Variants in GARNL3 observed in about 807,000 individuals in gnomAD.
GARNL3 encodes the protein GTPase activating Rap/RanGAP domain like 3, also known as GTPase-activating Rap/Ran-GAP domain-like protein 3.
Under a neutral mutation model 125.0 loss-of-function variants are expected in GARNL3, and 63 were observed. That is an observed-to-expected ratio of 0.50 (90% CI 0.41 to 0.62). The LOEUF is 0.62. Ranked by LOEUF, GARNL3 falls within the 20% of genes least tolerant of loss-of-function variation. The pLI, the probability that GARNL3 is intolerant of heterozygous loss-of-function variation, is 0.00. For synonymous variants in GARNL3, 439 were observed against 457.5 expected (o/e 0.96, Z 0.52); for missense variants, 994 against 1,244.0 (o/e 0.80, Z 3.02).
chr9:127,225,081 C>T (rs2062879020), intron 1 of GARNL3, among the ~76,000 whole-genome samples: 2 of 137,332 alleles, frequency 1.5e-5, no homozygotes. Context: ...GGGGCTTGGG[C>T]CCAGCGGAGG....
chr9:127,296,368 C>T (rs2064590155), intron 2 of GARNL3, among the ~76,000 whole-genome samples: 1 of 151,756 alleles, frequency 6.6e-6, no homozygotes, highest in African/African-American at 2.4e-5. Flanking sequence ...CCAGTTGTAT[C>T]CATATTTTCA....
intron 9 of GARNL3, among the ~76,000 whole-genome samples, chr9:127,334,595 C>T (rs758687687): frequency 6.6e-6 from 1 of 152,190 alleles, no homozygotes. Flanking sequence ...CAACCCTCAG[C>T]GTCTCCAATA....
intron 13 of GARNL3, among the ~76,000 whole-genome samples, chr9:127,341,764 T>C (rs1829871334): frequency 6.6e-6 from 1 of 152,146 alleles, no homozygotes; most frequent in African/African-American, 2.4e-5. Flanking sequence ...TGTCAAAGAC[T>C]TGAGGTGAAA....
At chr9:127,360,547 G>A (rs758770827) in intron 21 of GARNL3, among the ~76,000 whole-genome samples, 7 of 152,150 alleles carry the variant, frequency 4.6e-5, no homozygotes, top group South Asian at 2.1e-4. Flanking sequence ...AAAAGATAAT[G>A]AGCTGTATGT....
chr9:127,258,742 G>T (rs1307009481), upstream of GARNL3, among the ~76,000 whole-genome samples: 2 of 152,206 alleles, frequency 1.3e-5, no homozygotes, highest in Non-Finnish European at 2.9e-5. Flanking sequence ...TGTGCAAGAA[G>T]CTATTCTAGC....
At chr9:127,256,055 C>T (rs2063490393) in intron 2 of GARNL3, among the ~76,000 whole-genome samples, 1 of 152,160 alleles carries the variant, frequency 6.6e-6, no homozygotes, top group Non-Finnish European at 1.5e-5. Context: ...GGGAGGTATG[C>T]CACAACATAT....
chr9:127,246,215 G>A (rs898144405), intron 2 of GARNL3, among the ~76,000 whole-genome samples: 7 of 152,190 alleles, frequency 4.6e-5, no homozygotes, highest in Non-Finnish European at 8.8e-5. Flanking sequence ...GATAATTGGC[G>A]TCAGTAGGCA....
chr9:127,366,547 C>G (rs1831296958), intron 22 of GARNL3, among the ~76,000 whole-genome samples: 1 of 152,212 alleles, frequency 6.6e-6, no homozygotes, highest in Admixed American at 6.5e-5. Context: ...ATAAAGTATG[C>G]TCTTTTTTCT....
chr9:127,351,395 C>T (rs1830417288), intron 17 of GARNL3, among the ~76,000 whole-genome samples: 3 of 152,032 alleles, frequency 2.0e-5, no homozygotes, highest in Non-Finnish European at 4.4e-5. Flanking sequence ...GCTGTTTACA[C>T]CCACCATTGC....
chr9:127,281,871 T>C (rs1203245510), intron 1 of GARNL3, among the ~76,000 whole-genome samples: 1 of 152,272 alleles, frequency 6.6e-6, no homozygotes, highest in Non-Finnish European at 1.5e-5. Flanking sequence ...GTAATTTGCA[T>C]GTGCAGGGTC....
intron 21 of GARNL3, among the ~76,000 whole-genome samples, chr9:127,359,995 T>A (rs1830898056): frequency 7.2e-6 from 1 of 139,634 alleles, no homozygotes; most frequent in African/African-American, 2.7e-5. Context: ...ATATACAAAG[T>A]TTTTTCCTAA....
Position 127,311,680 on chromosome 9 carries a change from C to T in GARNL3, c.264C>T (p.His88=). The T allele has an allele frequency of 6.2e-7, 1 of 1,613,968 alleles. No individual in the cohort carries two copies. Among genetic ancestry groups the T allele is most frequent in the African/African-American group, 1.3e-5 (1 of 75,008 alleles). ...GTACTTGGCGAAGAACAGACGTGCA[C>T]TTAGAGAACCCAGAATACCACACCA... is the stretch of plus-strand genomic sequence containing the variant. ...LPGTWRRTDV[H]LENPEYHTRW... The change falls in exon 3 of 28, where the codon CAC becomes CAT. Residue 88 remains histidine (H), a synonymous_variant. Transcript: ENST00000373387.
chr9:127,309,921 G>A (rs2065049781), intron 2 of GARNL3, among the ~76,000 whole-genome samples: 1 of 152,190 alleles, frequency 6.6e-6, no homozygotes, highest in Non-Finnish European at 1.5e-5. Flanking sequence ...TACGTGGCAC[G>A]ATGGAGATAT....
chr9:127,349,475 T>C (rs1056528433), intron 17 of GARNL3, among the ~76,000 whole-genome samples: 1 of 152,154 alleles, frequency 6.6e-6, no homozygotes, highest in African/African-American at 2.4e-5. Context: ...AATAAGAATC[T>C]TAGATAACCC....
intron 1 of GARNL3, among the ~76,000 whole-genome samples, chr9:127,288,511 T>C (rs567174435): frequency 5.1e-4 from 78 of 152,272 alleles, no homozygotes; most frequent in African/African-American, 1.8e-3. Flanking sequence ...GTTGTGGTCA[T>C]CAAGGTGACA....
chr9:127,374,799 C>G (rs571572129), intron 22 of GARNL3, among the ~76,000 whole-genome samples: 1 of 149,494 alleles, frequency 6.7e-6, no homozygotes, highest in South Asian at 2.1e-4. Context: ...GAGGGCTGGA[C>G]AAAGTGGCTT....
At chr9:127,351,450 A>T (rs1436232447) in intron 17 of GARNL3, among the ~76,000 whole-genome samples, 2 of 151,866 alleles carry the variant, frequency 1.3e-5, no homozygotes, top group African/African-American at 4.8e-5. Flanking sequence ...CTTATTGTAC[A>T]ATGATGCTTC....
At position 127,383,730 on chromosome 9, in the gene GARNL3, T is replaced by C. The variant is rs532628053; in HGVS notation, c.2269+185T>C. Among the ~76,000 whole-genome samples the C allele has an allele frequency of 3.3e-5, 5 of 152,340 alleles. No homozygotes were observed. The South Asian group carries it at 1.0e-3, about 32-fold the overall frequency. ...TTTTGTTCCCCTTTTGGGACTATCG[T>C]CTTCTACTGTTCTTCCTAGTTTCTC... On this transcript the variant is annotated intron_variant, in intron 23 of 27. Coordinates refer to ENST00000373387, the MANE Select transcript of GARNL3 (RefSeq NM_032293.5).
intron 20 of GARNL3, 26 bp from the exon 21 acceptor site, chr9:127,357,193 C>T: frequency 6.2e-7 from 1 of 1,612,958 alleles, no homozygotes; most frequent in Non-Finnish European, 8.5e-7. Context: ...TCACCCCTGT[C>T]TCTTGTATCC....
Sources: allele counts gnomAD v4.1 joint callset (sites outside exome capture counted in the v4.1 genomes callset), GRCh38; gene constraint gnomAD v4.1.1; transcripts MANE v1.5; gene names NCBI Gene and HGNC (gene_info 2026-07-23, HGNC 2026-07-21).